The following IGHMBP2 variants were observed in gnomAD, a reference collection of about 807,000 sequenced individuals.
IGHMBP2 encodes immunoglobulin mu DNA binding protein 2, also known as DNA-binding protein SMUBP-2.
A neutral mutation model predicts 96.0 loss-of-function variants in IGHMBP2; 81 were observed. That is an observed-to-expected ratio of 0.84 (90% confidence interval 0.71 to 1.01). The LOEUF is 1.01. IGHMBP2 is among the 50% of genes least tolerant of loss of function. The pLI, the probability that IGHMBP2 is intolerant of heterozygous loss-of-function variation, is 0.00. For synonymous variants in IGHMBP2, 557 were observed against 548.9 expected, an observed-to-expected ratio of 1.01 and a Z score of -0.21; for missense variants, 1,227 against 1,306.3, an observed-to-expected ratio of 0.94 and a Z score of 0.94.
chr11:68,937,136 G>A, intron 13 of IGHMBP2, 45 bp downstream of exon 13: 3 of 1,594,890 alleles, frequency 1.9e-6, no homozygotes, highest in African/African-American at 2.7e-5. Flanking sequence ...CCTCACTGGG[G>A]TGCTGGCCCC....
In IGHMBP2 at chr11:68,911,445, C is replaced by T. The variant is rs1408189892; in HGVS notation, c.553C>T (p.Leu185=). Residue 185 remains leucine (L), a synonymous_variant, in exon 5 of 15, where the codon CTG becomes TTG. Coordinates refer to ENST00000255078, the MANE Select transcript of IGHMBP2 (RefSeq NM_002180.3). ...CGCTGCTGCTTCTTCCACAGACCCGCTGACATTCTTCAACACCTGCCTGGA... is the reference window on the plus strand; with the variant it reads ...CGCTGCTGCTTCTTCCACAGACCCGTTGACATTCTTCAACACCTGCCTGGA... ...APSPASEIHP[L]TFFNTCLDTS... The T allele has an allele frequency of 6.2e-7, 1 of 1,613,874 alleles. No individual in the cohort carries two copies. The highest frequency in any genetic ancestry group is 8.5e-7 in the Non-Finnish European group (1 of 1,179,992).
rs772280279 is a variant in IGHMBP2 at position 68,908,161 on chromosome 11, G to T, written c.273G>T (p.Leu91=). ...NSFTSGDIVG[L]YDAANEGSQL... ...TTTTTGCAGGTGATATCGTGGGCCT[G>T]TACGATGCTGCTAATGAGGGCAGTC... The change falls in exon 3 of 15, where the codon CTG becomes CTT. Residue 91 remains leucine, a synonymous_variant. Coordinates refer to ENST00000255078, the MANE Select transcript of IGHMBP2 (RefSeq NM_002180.3). 9.7e-5 allele frequency: 157 copies of T among 1,613,878 alleles called. No individual in the cohort carries two copies. Among genetic ancestry groups the T allele is most frequent in the Non-Finnish European group, 1.3e-4 (151 of 1,180,002 alleles).
At chr11:68,937,264 C>T (rs1048951523) in intron 13 of IGHMBP2, among the ~76,000 whole-genome samples, 173 bp downstream of exon 13, 4 of 152,214 alleles carry the variant, frequency 2.6e-5, no homozygotes, top group African/African-American at 4.8e-5. Context: ...CTGGGCTCCC[C>T]TAGGTCGGTG....
At chr11:68,919,233 C>T (rs996375018) in intron 7 of IGHMBP2, among the ~76,000 whole-genome samples, 21 of 14,500 alleles carry the variant, frequency 1.4e-3, no homozygotes, top group Admixed American at 9.5e-3. Flanking sequence ...CTGTGTTGCT[C>T]CTCTCCTCTC....
chr11:68,924,245 G>A (rs547696876), intron 7 of IGHMBP2, among the ~76,000 whole-genome samples: 1 of 152,228 alleles, frequency 6.6e-6, no homozygotes, highest in Non-Finnish European at 1.5e-5. Flanking sequence ...AGCCAGGAGA[G>A]AGCACTCCCG....
In IGHMBP2 at chr11:68,936,987, A is replaced by T; in HGVS notation, c.2507A>T (p.Glu836Val). The T allele has an allele frequency of 6.2e-7, 1 of 1,608,988 alleles. No homozygotes were observed. Residue 836 changes from glutamate to valine, a missense_variant, in exon 13 of 15, where the codon GAG becomes GTG. Glu to Val is a moderately radical substitution (Grantham distance 121). Around this residue, in one of 3 missense-constraint regions of IGHMBP2, gnomAD observed 703 missense variants for 770.3 expected, o/e 0.91. Transcript: ENST00000255078. ...CCTGATCTGAGGACGCTGCACCTGG[A>T]GAGACTGCAGAGGGTCAGGAGCGCG... is the stretch of plus-strand genomic sequence containing the variant. ...DQPDLRTLHLERLQRVRSAQG... is the reference protein window; with the variant it reads ...DQPDLRTLHLVRLQRVRSAQG...
At chr11:68,927,528 C>A (rs757431283) in intron 7 of IGHMBP2, among the ~76,000 whole-genome samples, 1 of 152,156 alleles carries the variant, frequency 6.6e-6, no homozygotes, top group Admixed American at 6.5e-5. Flanking sequence ...CTTTCCTGAG[C>A]CCTGTACATG....
rs1045826404 is a variant in IGHMBP2 at position 68,940,459 on chromosome 11, C to T, written c.*728C>T. The T allele has an allele frequency of 3.3e-5, 5 of 152,210 alleles. No individual in the cohort carries two copies. Among genetic ancestry groups the T allele is most frequent in the African/African-American group, 9.7e-5 (4 of 41,422 alleles). 9.4% of individuals were successfully genotyped at this position (152,210 alleles called of 1,614,324 possible). A position where few individuals can be genotyped will look rare whatever the true frequency, so the allele number is the denominator to read the frequency against. On this transcript the variant is annotated 3_prime_UTR_variant, in exon 15 of 15. Coordinates refer to ENST00000255078, the MANE Select transcript of IGHMBP2 (RefSeq NM_002180.3). Reference sequence around the variant, plus strand: ...CAGCCTCAGCATCTTCAGCACTTACCGATCCAGAGCCTCCCGGCCTTCTCC... The same window carrying T: ...CAGCCTCAGCATCTTCAGCACTTACTGATCCAGAGCCTCCCGGCCTTCTCC...
At position 68,908,568 on chromosome 11, in the gene IGHMBP2, C is replaced by T; in HGVS notation, c.484C>T (p.Pro162Ser). The change falls in exon 4 of 15, where the codon CCA becomes TCA. Residue 162 changes from proline to serine, a missense_variant. By Grantham distance (74) the Pro-to-Ser change is moderately conservative. Around this residue, in one of 3 missense-constraint regions of IGHMBP2, gnomAD observed 507 missense variants for 496.9 expected, o/e 1.02. Coordinates refer to ENST00000255078, the MANE Select transcript of IGHMBP2 (RefSeq NM_002180.3). ...LIALKKYHSGPASSLIEVLFG... is the reference protein window; with the variant it reads ...LIALKKYHSGSASSLIEVLFG... Reference sequence around the variant, plus strand: ...TGCTCTAAAGAAGTATCATTCTGGCCCAGCCTCCTCACTCATAGAAGTGCT... The same window carrying T: ...TGCTCTAAAGAAGTATCATTCTGGCTCAGCCTCCTCACTCATAGAAGTGCT... The T allele has an allele frequency of 1.2e-6, 2 of 1,613,978 alleles. No individual in the cohort carries two copies. Among genetic ancestry groups the T allele is most frequent in the Non-Finnish European group, 1.7e-6 (2 of 1,179,884 alleles).
intron 8 of IGHMBP2, among the ~76,000 whole-genome samples, chr11:68,931,668 G>A (rs1205509848): frequency 1.3e-5 from 2 of 152,114 alleles, no homozygotes; most frequent in Non-Finnish European, 2.9e-5. Flanking sequence ...TGCTGCAGCC[G>A]GCATGATGGC....
chr11:68,925,598 T>A (rs1859036294), intron 7 of IGHMBP2, among the ~76,000 whole-genome samples: 1 of 152,248 alleles, frequency 6.6e-6, no homozygotes, highest in South Asian at 2.1e-4. Flanking sequence ...AGATTTGAGT[T>A]ACTCTCTCCA....
At chr11:68,929,403 T>C (rs749995129) in intron 8 of IGHMBP2, 46 bp downstream of exon 8, 2 of 1,565,924 alleles carry the variant, frequency 1.3e-6, no homozygotes, top group Admixed American at 1.7e-5. Flanking sequence ...CCCGCCCTCC[T>C]GCGGTCCTTC....
At chr11:68,906,015 G>A (rs1858175486) in intron 1 of IGHMBP2, 54 bp from the exon 2 acceptor site, 1 of 1,538,478 alleles carries the variant, frequency 6.5e-7, no homozygotes, top group Non-Finnish European at 9.0e-7. Flanking sequence ...TCCTGGGTGG[G>A]TGGAAGTAGA....
intron 14 of IGHMBP2, among the ~76,000 whole-genome samples, chr11:68,939,198 G>T (rs1859658639): frequency 6.6e-6 from 1 of 152,166 alleles, no homozygotes; most frequent in Non-Finnish European, 1.5e-5. Context: ...GTACCCTCTA[G>T]GGTGTCAGCA....
chr11:68,930,280 G>A (rs754779218), intron 8 of IGHMBP2: 3 of 1,285,262 alleles, frequency 2.3e-6, no homozygotes, highest in African/African-American at 1.5e-5. Flanking sequence ...TCAGATTTCG[G>A]TTGCCTTTTG....
At chr11:68,927,713 C>T (rs1052039685) in intron 7 of IGHMBP2, among the ~76,000 whole-genome samples, 4 of 152,222 alleles carry the variant, frequency 2.6e-5, no homozygotes, top group African/African-American at 9.7e-5. Flanking sequence ...ACAGACACCA[C>T]CAGGGAAAAG....
At chr11:68,906,723 A>G (rs1485226736) in intron 2 of IGHMBP2, among the ~76,000 whole-genome samples, 11 of 148,978 alleles carry the variant, frequency 7.4e-5, no homozygotes, top group Admixed American at 5.4e-4. Flanking sequence ...GCTCACTGCA[A>G]CCTCCGCCTC....
chr11:68,929,615 G>A (rs751076565), intron 8 of IGHMBP2: 178 of 482,330 alleles, frequency 3.7e-4, no homozygotes, highest in Non-Finnish European at 4.6e-4. Flanking sequence ...CGTTTCTGGT[G>A]TTCCGTCCCT....
chr11:68,925,896 A>G (rs954190900), intron 7 of IGHMBP2, among the ~76,000 whole-genome samples: 2 of 152,014 alleles, frequency 1.3e-5, no homozygotes, highest in African/African-American at 4.8e-5. Context: ...TGAGTGTGTG[A>G]TTATCATGTG....
Sources: allele counts gnomAD v4.1 joint callset (sites outside exome capture counted in the v4.1 genomes callset), GRCh38; gene constraint gnomAD v4.1.1; regional missense constraint gnomAD v4.1.1; transcripts MANE v1.5; gene names NCBI Gene and HGNC (gene_info 2026-07-23, HGNC 2026-07-21).